ARSJ: variants seen among roughly 807,000 people sequenced by gnomAD.
ARSJ encodes the protein arylsulfatase family member J, also known as arylsulfatase J.
A neutral mutation model predicts 35.9 loss-of-function variants in ARSJ; 26 were observed. The observed-to-expected ratio is 0.72, with a 90% CI of 0.53 to 1.00. ARSJ has a LOEUF of 1.00. Among genes scored for constraint, ARSJ ranks in the 50% least tolerant of loss-of-function variants. The pLI, the probability that ARSJ is intolerant of heterozygous loss-of-function variation, is 0.00. For synonymous variants in ARSJ, 294 were observed against 267.6 expected (o/e 1.10, Z -0.96); for missense variants, 667 against 723.6 (o/e 0.92, Z 0.90).
At chr4:113,912,060 AT>A (rs1259200248) in intron 1 of ARSJ, among the ~76,000 whole-genome samples, 2 of 152,242 alleles carry the variant, frequency 1.3e-5, no homozygotes, top group Non-Finnish European at 2.9e-5. Flanking sequence ...GTGGAATGCA[AT>A]GTTACCATAA....
intron 1 of ARSJ, among the ~76,000 whole-genome samples, chr4:113,905,082 G>A (rs1045205339): frequency 3.3e-5 from 5 of 152,162 alleles, no homozygotes; most frequent in African/African-American, 1.2e-4. Flanking sequence ...TGCCAAGGGC[G>A]TTTTCCAAGA....
intron 1 of ARSJ, among the ~76,000 whole-genome samples, chr4:113,950,922 G>C (rs758116265): frequency 3.3e-5 from 5 of 152,026 alleles, no homozygotes; most frequent in Non-Finnish European, 5.9e-5. Flanking sequence ...CTGTTGTTCT[G>C]TTTATGGCAC....
rs2099667692 is a variant in ARSJ at position 113,903,213 on chromosome 4, G to GT, written c.860dup (p.Asn287LysfsTer16). ...TGGCAGCATATCTCCTCCTGTTTAT[G>GT]TTGATAATGGATCGGTAGTGTTCGA... On this transcript the variant is annotated frameshift_variant, in exon 2 of 2. Transcript: ENST00000315366. LOFTEE classifies it high-confidence loss of function. The GT allele has an allele frequency of 6.2e-7, 1 of 1,614,064 alleles. No homozygotes were observed.
intron 1 of ARSJ, among the ~76,000 whole-genome samples, chr4:113,974,621 G>T (rs1043416273): frequency 1.3e-5 from 2 of 152,110 alleles, no homozygotes; most frequent in Non-Finnish European, 2.9e-5. Flanking sequence ...CCATAATGAT[G>T]TAGCAGTGCA....
At chr4:113,941,387 C>G (rs1056728342) in intron 1 of ARSJ, among the ~76,000 whole-genome samples, 1 of 151,952 alleles carries the variant, frequency 6.6e-6, no homozygotes, top group African/African-American at 2.4e-5. Context: ...TATTTGGTTT[C>G]TACCACATGG....
chr4:113,934,848 A>T (rs1381474464), intron 1 of ARSJ, among the ~76,000 whole-genome samples: 1 of 151,848 alleles, frequency 6.6e-6, no homozygotes, highest in Non-Finnish European at 1.5e-5. Context: ...TTAATAATTT[A>T]AAATCGTGTA....
intron 1 of ARSJ, among the ~76,000 whole-genome samples, chr4:113,967,761 G>A (rs772858241): frequency 1.2e-4 from 18 of 152,168 alleles, no homozygotes; most frequent in Non-Finnish European, 2.2e-4. Context: ...CAGTTGATGA[G>A]CAATGGTAAT....
Position 113,902,741 on chromosome 4 carries a change from T to C in ARSJ, c.1333A>G (p.Ile445Val), listed in dbSNP as rs748074642. 4.3e-6 allele frequency: 7 copies of C among 1,614,070 alleles called. No homozygotes were observed. The South Asian group carries it at 6.6e-5, about 15-fold the overall frequency. The change falls in exon 2 of 2, where the codon ATC becomes GTC. Residue 445 changes from isoleucine (I) to valine (V), a missense_variant. Ile to Val is a conservative substitution (Grantham distance 29). Transcript: ENST00000315366. ...AAGYGIWNTA[I>V]QSAIRVQHWK... ...TGCTGCACTCTGATGGCTGACTGGA[T>C]TGCAGTGTTCCAGATCCCATAGCCT...
chr4:113,957,766 C>T (rs546287758), intron 1 of ARSJ, among the ~76,000 whole-genome samples: 3 of 152,186 alleles, frequency 2.0e-5, no homozygotes, highest in African/African-American at 7.2e-5. Context: ...TAGGAACAAA[C>T]TTAAAAGTGA....
rs756861297 is a variant in ARSJ at position 113,919,820 on chromosome 4, A to G, written c.399-16145T>C. Among the ~76,000 whole-genome samples the G allele has an allele frequency of 2.2e-4, 34 of 152,320 alleles. No homozygotes were observed. The Middle Eastern group carries it at 0.017, about 76-fold the overall frequency. Reference sequence around the variant, plus strand: ...GCTCATGACTCAGCATGACAAGGAGAGGAACCTGAAAGATGCGTAAATGCA... The same window carrying G: ...GCTCATGACTCAGCATGACAAGGAGGGGAACCTGAAAGATGCGTAAATGCA... On this transcript the variant is annotated intron_variant, in intron 1 of 1. Transcript: ENST00000315366.
chr4:113,901,133 T>A lies in ARSJ; in HGVS notation c.*1141A>T, dbSNP rs1428279295. On this transcript the variant is annotated 3_prime_UTR_variant, in exon 2 of 2. Transcript: ENST00000315366. ...AAAGATTTTTATTTTTTAGGACCAA[T>A]GATACAATTTTAGCTAGAAGTTAGA... is the stretch of plus-strand genomic sequence containing the variant. The A allele has an allele frequency of 2.6e-5, 4 of 152,180 alleles. No individual in the cohort carries two copies. The highest frequency in any genetic ancestry group is 5.9e-5 in the Non-Finnish European group (4 of 68,026). The allele number at this position is 152,180 out of a possible 1,614,324, so 9.4% of individuals were successfully genotyped here.
At chr4:113,930,193 T>C (rs1724343230) in intron 1 of ARSJ, among the ~76,000 whole-genome samples, 1 of 152,042 alleles carries the variant, frequency 6.6e-6, no homozygotes, top group Non-Finnish European at 1.5e-5. Flanking sequence ...AGTATTAACT[T>C]ACACTATCAC....
chr4:113,955,221 G>T (rs758783868), intron 1 of ARSJ, among the ~76,000 whole-genome samples: 1 of 151,702 alleles, frequency 6.6e-6, no homozygotes, highest in Non-Finnish European at 1.5e-5. Context: ...AGATCCAATG[G>T]CACTGCCATA....
intron 1 of ARSJ, among the ~76,000 whole-genome samples, chr4:113,932,909 T>TCC (rs1262538996): frequency 6.6e-6 from 1 of 151,876 alleles, no homozygotes; most frequent in Admixed American, 6.6e-5. Context: ...GAAGTTCACT[T>TCC]AAGTGAAAAG....
In ARSJ at chr4:113,903,393, A is replaced by G. The variant is rs2099667756; in HGVS notation, c.681T>C (p.Asn227=). 3 of 1,614,018 alleles carry G rather than the reference A, an allele frequency of 1.9e-6. No homozygotes were observed. The highest frequency in any genetic ancestry group is 1.7e-5 in the Admixed American group (1 of 60,000). The change falls in exon 2 of 2, where the codon AAT becomes AAC. Residue 227 remains asparagine (N), a synonymous_variant. Transcript: ENST00000315366. ...TGCCATTGTCATAGTCCCAGGCAGC[A>G]TTGTCGTTTTCATACAAGTCATAGC... ...MCGYDLYEND[N]AAWDYDNGIY...
chr4:113,950,947 A>G (rs1314418564), intron 1 of ARSJ, among the ~76,000 whole-genome samples: 2 of 152,098 alleles, frequency 1.3e-5, no homozygotes, highest in Non-Finnish European at 2.9e-5. Flanking sequence ...CACTGCCAAC[A>G]CTGCCCAAGA....
At chr4:113,917,618 C>A (rs1723397370) in intron 1 of ARSJ, among the ~76,000 whole-genome samples, 2 of 151,974 alleles carry the variant, frequency 1.3e-5, no homozygotes, top group Non-Finnish European at 2.9e-5. Context: ...GTGATTTGAC[C>A]TACTAAAGGA....
intron 1 of ARSJ, among the ~76,000 whole-genome samples, chr4:113,966,852 C>T (rs1375457675): frequency 2.0e-5 from 3 of 152,158 alleles, no homozygotes; most frequent in Admixed American, 2.0e-4. Flanking sequence ...GTGCACGGAA[C>T]AATTCAGCAC....
chr4:113,936,720 C>T (rs116016377), intron 1 of ARSJ, among the ~76,000 whole-genome samples: 2,174 of 151,870 alleles, frequency 0.014, 55 homozygotes, highest in African/African-American at 0.048. Context: ...TGGAAGGGCA[C>T]TGTCATTAAT....
Sources: allele counts gnomAD v4.1 joint callset (sites outside exome capture counted in the v4.1 genomes callset), GRCh38; gene constraint gnomAD v4.1.1; transcripts MANE v1.5; gene names NCBI Gene and HGNC (gene_info 2026-07-23, HGNC 2026-07-21).